RAD51B: variants seen among roughly 807,000 people sequenced by gnomAD.
RAD51B encodes RAD51 paralog B, also known as DNA repair protein RAD51 homolog 2.
In RAD51B, 38 loss-of-function variants were observed where a neutral mutation model predicts 42.2. That is an observed-to-expected ratio of 0.90 (90% confidence interval 0.70 to 1.18). The LOEUF (loss-of-function observed/expected upper bound fraction) is 1.18. Ranked by LOEUF, RAD51B falls within the 50% of genes most tolerant of loss-of-function variation. RAD51B has a pLI of 0.00. For synonymous variants in RAD51B, 154 were observed against 145.2 expected (o/e 1.06, Z -0.43); for missense variants, 373 against 400.7 (o/e 0.93, Z 0.59).
At chr14:68,136,575 CAAAA>C (rs1204817902) in intron 7 of RAD51B, among the ~76,000 whole-genome samples, 13 of 4,448 alleles carry the variant, frequency 2.9e-3, no homozygotes, top group African/African-American at 4.2e-3. Context: ...GACTCCATCT[CAAAA>C]AAAAAAAAAA....
chr14:68,045,088 T>A (rs1352716820), intron 7 of RAD51B, among the ~76,000 whole-genome samples: 2 of 151,452 alleles, frequency 1.3e-5, no homozygotes, highest in African/African-American at 2.4e-5. Context: ...AATACAAAAT[T>A]AGCCAGGTGT....
chr14:67,908,098 A>G (rs2043838317), intron 7 of RAD51B, among the ~76,000 whole-genome samples: 1 of 152,166 alleles, frequency 6.6e-6, no homozygotes, highest in African/African-American at 2.4e-5. Flanking sequence ...GTTTTTTAAA[A>G]CCAATCATAA....
At position 68,681,848 on chromosome 14, in the gene RAD51B, G is replaced by T. The variant is rs1218751270; in HGVS notation, c.*11+30992G>T. Among the ~76,000 whole-genome samples, 3 of 152,186 alleles carry T rather than the reference G, an allele frequency of 2.0e-5. No individual in the cohort carries two copies. The East Asian group carries it at 5.8e-4, about 29-fold the overall frequency. The stretch of plus-strand genomic sequence containing the variant: ...CACTGCATACTTCTTTAATTGTCAA[G>T]AATGCATACATGCCATGCATATGAA... On this transcript the variant is annotated intron_variant, in intron 11 of 11. Coordinates refer to the RAD51B transcript ENST00000488612.
chr14:68,200,630 A>G (rs2079464102), intron 7 of RAD51B, among the ~76,000 whole-genome samples: 1 of 152,060 alleles, frequency 6.6e-6, no homozygotes, highest in Non-Finnish European at 1.5e-5. Context: ...ATTTTACTTG[A>G]AGGAAGTTGG....
At chr14:68,133,362 T>A (rs2077939039) in intron 7 of RAD51B, among the ~76,000 whole-genome samples, 1 of 152,252 alleles carries the variant, frequency 6.6e-6, no homozygotes, top group Non-Finnish European at 1.5e-5. Context: ...AATGTTTTAT[T>A]TTCTAAAAAT....
intron 7 of RAD51B, among the ~76,000 whole-genome samples, chr14:68,244,375 C>A (rs1265422137): frequency 6.6e-6 from 1 of 152,174 alleles, no homozygotes; most frequent in Admixed American, 6.5e-5. Flanking sequence ...GGCAGACAAA[C>A]AAAAGATCTG....
intron 7 of RAD51B, among the ~76,000 whole-genome samples, chr14:68,174,945 TG>T (rs1399321077): frequency 6.6e-6 from 1 of 152,152 alleles, no homozygotes; most frequent in Non-Finnish European, 1.5e-5. Context: ...TTGCAAATAA[TG>T]ATATTAAGTT....
Position 68,411,476 on chromosome 14 carries a change from C to T in RAD51B, c.906C>T (p.His302=), listed in dbSNP as rs34019758. 357 of 1,614,150 alleles carry T rather than the reference C, an allele frequency of 2.2e-4. 3 individuals carry two copies. The East Asian group carries it at 7.8e-3, about 35-fold the overall frequency. Residue 302 remains histidine (H), a synonymous_variant, in exon 9 of 11, where the codon CAC becomes CAT. Coordinates refer to ENST00000471583, the MANE Select transcript of RAD51B (RefSeq NM_133510.4). ...CCGCACTAGGAAATACCTGGAGTCA[C>T]AGTGTGAATACCCGGCTGATCCTCC... ...VIAALGNTWS[H]SVNTRLILQY... is the part of the protein sequence containing the mutation.
intron 8 of RAD51B, among the ~76,000 whole-genome samples, chr14:68,348,591 A>C (rs1035376449): frequency 1.4e-4 from 21 of 152,220 alleles, no homozygotes; most frequent in African/African-American, 5.1e-4. Flanking sequence ...CAAAAGAAGC[A>C]ATTGAAGATT....
chr14:67,933,739 G>A (rs1214312592), intron 7 of RAD51B, among the ~76,000 whole-genome samples: 1 of 152,120 alleles, frequency 6.6e-6, no homozygotes, highest in East Asian at 1.9e-4. Context: ...TCTTCTAGAT[G>A]TTCTATTATA....
intron 7 of RAD51B, among the ~76,000 whole-genome samples, chr14:68,003,596 C>A (rs945188100): frequency 6.6e-6 from 1 of 152,142 alleles, no homozygotes; most frequent in African/African-American, 2.4e-5. Context: ...TGTCTTGTGG[C>A]AGTTTTCAAG....
intron 8 of RAD51B, among the ~76,000 whole-genome samples, chr14:68,308,702 A>T (rs1214485274): frequency 1.2e-5 from 1 of 82,914 alleles, no homozygotes. Context: ...TATCTGTGTC[A>T]TTAAAAAAAA....
intron 3 of RAD51B, among the ~76,000 whole-genome samples, chr14:67,833,444 C>T (rs1327328886): frequency 6.6e-6 from 1 of 152,104 alleles, no homozygotes; most frequent in Non-Finnish European, 1.5e-5. Flanking sequence ...GTGTTTCTCC[C>T]CTTGTTCACA....
At chr14:67,968,786 C>G (rs530637226) in intron 7 of RAD51B, among the ~76,000 whole-genome samples, 1 of 152,312 alleles carries the variant, frequency 6.6e-6, no homozygotes, top group African/African-American at 2.4e-5. Context: ...GTTCCAACCT[C>G]TGCCTGATAC....
chr14:68,090,175 CA>C (rs1209000190), intron 7 of RAD51B, among the ~76,000 whole-genome samples: 5 of 152,140 alleles, frequency 3.3e-5, no homozygotes, highest in African/African-American at 4.8e-5. Context: ...ACCTTTATAT[CA>C]AGAGCTTGGA....
chr14:68,528,625 GA>G (rs978685641), intron 10 of RAD51B, among the ~76,000 whole-genome samples: 7 of 151,860 alleles, frequency 4.6e-5, no homozygotes, highest in Non-Finnish European at 8.8e-5. Context: ...TATTTAGTGG[GA>G]AAAAAAATCC....
intron 7 of RAD51B, among the ~76,000 whole-genome samples, chr14:68,189,892 C>G (rs950896388): frequency 6.6e-6 from 1 of 152,136 alleles, no homozygotes; most frequent in Non-Finnish European, 1.5e-5. Flanking sequence ...CCTTGAACTC[C>G]TGGCCTCAGA....
chr14:67,990,576 G>A (rs1276480792), intron 7 of RAD51B, among the ~76,000 whole-genome samples: 3 of 152,080 alleles, frequency 2.0e-5, no homozygotes, highest in Non-Finnish European at 1.5e-5. Context: ...ATTTGAGTTT[G>A]TTTACTCGAG....
At chr14:68,410,340 G>C (rs1162370705) in intron 8 of RAD51B, among the ~76,000 whole-genome samples, 6 of 152,196 alleles carry the variant, frequency 3.9e-5, no homozygotes, top group Admixed American at 3.9e-4. Context: ...CCACACTGAG[G>C]CGTACAAATC....
Sources: allele counts gnomAD v4.1 joint callset (sites outside exome capture counted in the v4.1 genomes callset), GRCh38; gene constraint gnomAD v4.1.1; transcripts MANE v1.5; gene names NCBI Gene and HGNC (gene_info 2026-07-23, HGNC 2026-07-21).